Variants in FSTL4 observed in about 807,000 individuals in gnomAD.
FSTL4 encodes the protein follistatin like 4.
A neutral mutation model predicts 78.2 loss-of-function variants in FSTL4; 28 were observed. The observed-to-expected ratio is 0.36, with a 90% CI of 0.27 to 0.49. FSTL4 has a LOEUF of 0.49. FSTL4 is among the 20% of genes least tolerant of loss of function. The pLI is 0.98. For synonymous variants in FSTL4, 422 were observed against 440.5 expected, an observed-to-expected ratio of 0.96 and a Z score of 0.53; for missense variants, 922 against 1,084.9, an observed-to-expected ratio of 0.85 and a Z score of 2.11.
At position 133,332,069 on chromosome 5, in the gene FSTL4, C is replaced by G. The variant is rs115466891; in HGVS notation, c.410-15417G>C. Among the ~76,000 whole-genome samples, 814 of 152,248 alleles carry G rather than the reference C, an allele frequency of 5.3e-3. 7 individuals carry two copies. Among genetic ancestry groups the G allele is most frequent in the African/African-American group, 0.019 (775 of 41,536 alleles). On this transcript the variant is annotated intron_variant, in intron 4 of 15. Coordinates refer to ENST00000265342, the MANE Select transcript of FSTL4 (RefSeq NM_015082.2). The stretch of plus-strand genomic sequence containing the variant: ...TGCAGGGCCTGGCAGTGTGAGAAGC[C>G]GGGGCTGCCGAGGGAGGGTTGGCAG...
In FSTL4 at chr5:133,225,799, A is replaced by T; in HGVS notation, c.1036T>A (p.Tyr346Asn). 6.3e-7 allele frequency: 1 copy of T among 1,592,668 alleles called. No homozygotes were observed. Among genetic ancestry groups the T allele is most frequent in the South Asian group, 1.1e-5 (1 of 87,568 alleles). The change falls in exon 9 of 16, where the codon TAT becomes AAT. Residue 346 changes from tyrosine to asparagine, a missense_variant. Coordinates refer to ENST00000265342, the MANE Select transcript of FSTL4 (RefSeq NM_015082.2). This position sits in a 1 kb window ranked among gnomAD's most constrained non-coding sequence, Gnocchi z 4.6. ...QVNVPPVIRV[Y>N]PESQAQEPGV... The stretch of plus-strand genomic sequence containing the variant: ...GGCTCCTGTGCCTGGCTCTCTGGAT[A>T]GACACGGATGACTGGCGGCACTGTG...
At chr5:133,595,998 T>C (rs1175471069) in intron 2 of FSTL4, among the ~76,000 whole-genome samples, 6 of 152,200 alleles carry the variant, frequency 3.9e-5, no homozygotes, top group South Asian at 2.1e-4. Flanking sequence ...GAAAAACCAA[T>C]TGTGGGGTTT....
At chr5:133,500,861 A>G (rs911089611) in intron 3 of FSTL4, among the ~76,000 whole-genome samples, 2 of 152,170 alleles carry the variant, frequency 1.3e-5, no homozygotes, top group African/African-American at 4.8e-5. Flanking sequence ...CCAGAAGAGA[A>G]CAAACTGGAC....
intron 4 of FSTL4, among the ~76,000 whole-genome samples, chr5:133,355,396 G>A (rs1011277918): frequency 1.4e-4 from 21 of 152,192 alleles, no homozygotes; most frequent in African/African-American, 4.6e-4. Context: ...GGTGGCTCAC[G>A]GCGGTAATCC....
intron 4 of FSTL4, among the ~76,000 whole-genome samples, chr5:133,395,826 C>T (rs1756025212): frequency 6.6e-6 from 1 of 152,176 alleles, no homozygotes; most frequent in Non-Finnish European, 1.5e-5. Context: ...TCTAAACGTT[C>T]TCATCTTCAG....
the FSTL4 span, among the ~76,000 whole-genome samples, chr5:133,705,418 C>A: frequency 6.6e-6 from 1 of 152,188 alleles, no homozygotes. Context: ...CAGAGGCTGC[C>A]TGCAGGCTCC....
chr5:133,635,330 C>T, the FSTL4 span, among the ~76,000 whole-genome samples: 3 of 152,242 alleles, frequency 2.0e-5, no homozygotes, highest in Admixed American at 1.3e-4. Context: ...GAGCACTGCA[C>T]TTACATGCTT....
intron 1 of FSTL4, 95 bp from the exon 2 acceptor site, chr5:133,604,088 G>A: frequency 2.2e-6 from 2 of 904,018 alleles, no homozygotes; most frequent in Non-Finnish European, 3.5e-6. Flanking sequence ...AATCAGATAA[G>A]CCTGGGTTTA....
At chr5:133,567,090 G>A (rs1288720324) in intron 3 of FSTL4, 96 bp downstream of exon 3, 2 of 887,696 alleles carry the variant, frequency 2.3e-6, no homozygotes, top group Non-Finnish European at 3.8e-6. Flanking sequence ...TTCAAAGAAT[G>A]AGCTGCCCAC....
At chr5:133,418,914 C>T (rs1756635797) in intron 3 of FSTL4, among the ~76,000 whole-genome samples, 1 of 152,210 alleles carries the variant, frequency 6.6e-6, no homozygotes, top group Non-Finnish European at 1.5e-5. Context: ...CCCTGTCCCT[C>T]CAACCCAAGT....
At chr5:133,349,820 T>A (rs552897604) in intron 4 of FSTL4, among the ~76,000 whole-genome samples, 4 of 144,550 alleles carry the variant, frequency 2.8e-5, no homozygotes, top group Non-Finnish European at 6.0e-5. Context: ...ATGTTTGTCA[T>A]GCTGCCATGC....
the FSTL4 span, among the ~76,000 whole-genome samples, chr5:133,701,181 T>A: frequency 1.3e-5 from 2 of 151,884 alleles, no homozygotes; most frequent in East Asian, 3.9e-4. Context: ...GGCAGGCAGA[T>A]CACTTGAGGT....
rs189943502 is a variant in FSTL4 at position 133,431,409 on chromosome 5, T to A, written c.161-30423A>T. 2.8e-3 allele frequency among the ~76,000 whole-genome samples: 420 copies of A among 152,296 alleles called. 3 individuals carry two copies. Among genetic ancestry groups the A allele is most frequent in the African/African-American group, 9.6e-3 (397 of 41,556 alleles). On this transcript the variant is annotated intron_variant, in intron 3 of 15. Transcript: ENST00000265342. ...GCTAAGAAGGCTTGCAGCTTCCACA[T>A]GAATGTCTTGGAACACTCACTCTTA...
At chr5:133,670,515 T>C in the FSTL4 span, among the ~76,000 whole-genome samples, 1 of 152,248 alleles carries the variant, frequency 6.6e-6, no homozygotes, top group African/African-American at 2.4e-5. Context: ...GGAATACTTT[T>C]CACCCCAGAG....
At chr5:133,360,778 TAATA>T (rs566494725) in intron 4 of FSTL4, among the ~76,000 whole-genome samples, 4 of 152,294 alleles carry the variant, frequency 2.6e-5, no homozygotes, top group South Asian at 2.1e-4. Context: ...CCTTCAAAAA[TAATA>T]AATAAAGTTC....
chr5:133,569,237 A>G (rs190208117), intron 2 of FSTL4, among the ~76,000 whole-genome samples: 7 of 152,204 alleles, frequency 4.6e-5, no homozygotes, highest in African/African-American at 1.7e-4. Flanking sequence ...CTTCTTTCCA[A>G]TTCCTATACT....
At chr5:133,655,033 ATC>A in the FSTL4 span, among the ~76,000 whole-genome samples, 4 of 152,120 alleles carry the variant, frequency 2.6e-5, no homozygotes, top group African/African-American at 9.7e-5. Context: ...GGATACCAAC[ATC>A]TGTCTCCACC....
intron 4 of FSTL4, among the ~76,000 whole-genome samples, chr5:133,344,694 C>T (rs1035096507): frequency 6.6e-6 from 1 of 152,218 alleles, no homozygotes; most frequent in Admixed American, 6.5e-5. Context: ...TATTCTTCAT[C>T]ATATCTCTGA....
At chr5:133,567,095 G>T in intron 3 of FSTL4, 91 bp downstream of exon 3, 1 of 914,320 alleles carries the variant, frequency 1.1e-6, no homozygotes, top group Non-Finnish European at 1.8e-6. Context: ...AGAATGAGCT[G>T]CCCACAGTCT....
Sources: gnomAD v4.1 joint callset for allele counts (sites outside exome capture counted in the v4.1 genomes callset) on GRCh38, gnomAD v4.1.1 for gene constraint, Gnocchi (gnomAD v3.1) non-coding constraint, MANE v1.5 for transcripts, NCBI Gene and HGNC (gene_info 2026-07-23, HGNC 2026-07-21) for gene names.